Variants in CNTNAP5 observed in about 807,000 individuals in gnomAD.
CNTNAP5 encodes the protein contactin associated protein family member 5.
A neutral mutation model predicts 150.2 loss-of-function variants in CNTNAP5; 72 were observed. That is an observed-to-expected ratio of 0.48 (90% CI 0.40 to 0.58). The LOEUF (loss-of-function observed/expected upper bound fraction) is 0.58, where lower values mean the gene tolerates loss of function less well. Ranked by LOEUF, CNTNAP5 falls within the 20% of genes least tolerant of loss-of-function variation. The probability of loss-of-function intolerance (pLI) is 0.00; values close to 1 mark genes in which losing one functional copy is unlikely to be tolerated. For synonymous variants in CNTNAP5, 672 were observed against 619.8 expected (o/e 1.08, Z -1.25); for missense variants, 1,636 against 1,626.2 (o/e 1.01, Z -0.10).
At chr2:124,535,991 G>T (rs913999506) in intron 10 of CNTNAP5, among the ~76,000 whole-genome samples, 2 of 152,050 alleles carry the variant, frequency 1.3e-5, no homozygotes, top group Admixed American at 1.3e-4. Flanking sequence ...AATATAAAAA[G>T]ATTACATTGC....
intron 13 of CNTNAP5, among the ~76,000 whole-genome samples, chr2:124,703,109 T>TCCTC (rs149568914): frequency 0.13 from 18,644 of 143,068 alleles, 1,380 homozygotes; most frequent in Middle Eastern, 0.18. Flanking sequence ...CTTCCTTCCT[T>TCCTC]CCTCCCTCCC....
Position 124,588,447 on chromosome 2 carries a change from C to T in CNTNAP5, c.1757-21354C>T, listed in dbSNP as rs1696605649. ...TGCCAATTGTCGTCGGTCTGAGGAA[C>T]ATACTCAGGGAACCAATACTTTAGA... is the stretch of plus-strand genomic sequence containing the variant. On this transcript the variant is annotated intron_variant, in intron 11 of 23. Coordinates refer to ENST00000682447, the MANE Select transcript of CNTNAP5 (RefSeq NM_001367498.1). Among the ~76,000 whole-genome samples the T allele has an allele frequency of 2.0e-5, 3 of 151,862 alleles. No individual in the cohort carries two copies. In the South Asian group the frequency reaches 6.2e-4, roughly 32 times the overall value.
At chr2:124,688,316 G>C (rs1223692997) in intron 13 of CNTNAP5, among the ~76,000 whole-genome samples, 1 of 151,990 alleles carries the variant, frequency 6.6e-6, no homozygotes, top group Non-Finnish European at 1.5e-5. Context: ...GGGGAGTCTA[G>C]ACCTTATTTT....
chr2:124,639,516 A>C (rs1678045558), intron 12 of CNTNAP5, among the ~76,000 whole-genome samples: 1 of 152,126 alleles, frequency 6.6e-6, no homozygotes, highest in African/African-American at 2.4e-5. Context: ...GCCTTTGGAT[A>C]TCTCTTCAAA....
chr2:124,190,404 T>C (rs563915876), intron 1 of CNTNAP5, among the ~76,000 whole-genome samples: 10 of 152,264 alleles, frequency 6.6e-5, no homozygotes, highest in African/African-American at 2.4e-4. Context: ...AGTTTCCACT[T>C]ACACACTTTT....
At chr2:124,234,349 G>T (rs1322342077) in intron 2 of CNTNAP5, among the ~76,000 whole-genome samples, 1 of 152,266 alleles carries the variant, frequency 6.6e-6, no homozygotes, top group South Asian at 2.1e-4. Context: ...AGAAAATTCT[G>T]CAAGGATGGA....
chr2:124,617,224 A>T (rs1677511369), intron 12 of CNTNAP5, among the ~76,000 whole-genome samples: 1 of 152,094 alleles, frequency 6.6e-6, no homozygotes, highest in South Asian at 2.1e-4. Context: ...TTTTTAATGA[A>T]CTATCTGTGA....
At chr2:124,874,878 C>T (rs2104731221) in intron 21 of CNTNAP5, among the ~76,000 whole-genome samples, 1 of 152,010 alleles carries the variant, frequency 6.6e-6, no homozygotes, top group South Asian at 2.1e-4. Context: ...GTTTGATAGG[C>T]CTAAGCTCAC....
chr2:124,400,684 T>TTTG (rs1558884193), intron 3 of CNTNAP5, among the ~76,000 whole-genome samples: 100 of 130,448 alleles, frequency 7.7e-4, no homozygotes, highest in African/African-American at 2.6e-3. Context: ...TTTTTTTTTT[T>TTTG]TTTTGTTTTT....
chr2:124,282,074 T>A (rs1354176486), intron 3 of CNTNAP5, among the ~76,000 whole-genome samples: 1 of 152,112 alleles, frequency 6.6e-6, no homozygotes, highest in Non-Finnish European at 1.5e-5. Flanking sequence ...TTTCAGGGTC[T>A]CAAGACTAGA....
chr2:124,428,126 T>C (rs1270375289), intron 4 of CNTNAP5, among the ~76,000 whole-genome samples: 4 of 152,158 alleles, frequency 2.6e-5, no homozygotes, highest in Non-Finnish European at 5.9e-5. Flanking sequence ...AGCTCCTTCC[T>C]TCTGGTGGGA....
chr2:124,486,282 C>T (rs553620068), intron 7 of CNTNAP5, among the ~76,000 whole-genome samples: 3 of 151,990 alleles, frequency 2.0e-5, no homozygotes, highest in Admixed American at 6.6e-5. Context: ...CATAATAAAA[C>T]GGACTTTGGG....
chr2:124,507,761 G>A (rs1694448768), intron 8 of CNTNAP5, among the ~76,000 whole-genome samples: 2 of 152,144 alleles, frequency 1.3e-5, no homozygotes. Context: ...CAGCTTTGCA[G>A]GGCTACTTCT....
rs1352091796 is a variant in CNTNAP5, at chr2:124,110,810, T to C, written c.82+85078T>C. Among the ~76,000 whole-genome samples the C allele has an allele frequency of 2.0e-5, 3 of 152,214 alleles. 1 individual carries two copies. Among genetic ancestry groups the C allele is most frequent in the South Asian group, 4.1e-4 (2 of 4,834 alleles). On this transcript the variant is annotated intron_variant, in intron 1 of 23. Coordinates refer to ENST00000682447, the MANE Select transcript of CNTNAP5 (RefSeq NM_001367498.1). ...CAAGGATAACTGTCTCATCTCTATT[T>C]ATTCAGTACATTTGCCATTCAAAGG...
At chr2:124,447,209 G>A (rs867227207) in intron 6 of CNTNAP5, among the ~76,000 whole-genome samples, 11 of 150,018 alleles carry the variant, frequency 7.3e-5, no homozygotes, top group African/African-American at 2.5e-4. Flanking sequence ...TTTTTCCTGC[G>A]TGTAGACTTT....
chr2:124,478,997 A>T (rs995720924), intron 7 of CNTNAP5, among the ~76,000 whole-genome samples: 13 of 152,080 alleles, frequency 8.5e-5, no homozygotes, highest in Non-Finnish European at 1.9e-4. Flanking sequence ...CTCCCTGGAG[A>T]CTTAACAGCT....
chr2:124,185,523 A>G lies in CNTNAP5; in HGVS notation c.83-36182A>G, dbSNP rs114173168. Among the ~76,000 whole-genome samples, 1,243 of 152,312 alleles carry G rather than the reference A, an allele frequency of 8.2e-3. 17 individuals carry two copies. The highest frequency in any genetic ancestry group is 0.028 in the African/African-American group (1,144 of 41,562). On this transcript the variant is annotated intron_variant, in intron 1 of 23. Coordinates refer to ENST00000682447, the MANE Select transcript of CNTNAP5 (RefSeq NM_001367498.1). ...TGGGTTACCTTCATACTTTTTAAAA[A>G]TTTTCATCCCCTGTCAAACCATACA...
chr2:124,550,227 GA>G (rs1487956619), intron 10 of CNTNAP5, among the ~76,000 whole-genome samples: 23 of 152,198 alleles, frequency 1.5e-4, no homozygotes, highest in Admixed American at 1.5e-3. Flanking sequence ...ACAAGGAAAG[GA>G]AAGGGAAAAA....
At chr2:124,610,437 G>A (rs1384818855) in intron 12 of CNTNAP5, among the ~76,000 whole-genome samples, 1 of 152,196 alleles carries the variant, frequency 6.6e-6, no homozygotes, top group Non-Finnish European at 1.5e-5. Flanking sequence ...TATTGGAGCA[G>A]CTAGCCAGGC....
Sources: allele counts gnomAD v4.1 joint callset (sites outside exome capture counted in the v4.1 genomes callset), GRCh38; gene constraint gnomAD v4.1.1; transcripts MANE v1.5; gene names NCBI Gene and HGNC (gene_info 2026-07-23, HGNC 2026-07-21).